Variants in USH2A observed in about 807,000 individuals in gnomAD.
USH2A encodes the protein Usher syndrome 2A (autosomal recessive, mild).
A neutral mutation model predicts 538.9 loss-of-function variants in USH2A; 443 were observed. The observed-to-expected ratio is 0.82, with a 90% confidence interval of 0.76 to 0.89. The LOEUF is 0.89. Among genes scored for constraint, USH2A ranks in the 40% least tolerant of loss-of-function variants. The pLI, the probability that USH2A is intolerant of heterozygous loss-of-function variation, is 0.00. For synonymous variants in USH2A, 2,413 were observed against 2,273.5 expected, an observed-to-expected ratio of 1.06 and a Z score of -1.75; for missense variants, 6,633 against 6,324.8, an observed-to-expected ratio of 1.05 and a Z score of -1.65.
intron 14 of USH2A, among the ~76,000 whole-genome samples, chr1:216,231,272 A>C (rs376454531): frequency 2.3e-5 from 1 of 43,730 alleles, no homozygotes. Context: ...ATATATATAT[A>C]ATATATATAC....
chr1:215,809,635 C>T (rs1034479405), intron 49 of USH2A, among the ~76,000 whole-genome samples: 25 of 152,046 alleles, frequency 1.6e-4, no homozygotes, highest in African/African-American at 6.0e-4. Context: ...TGCAGTCTAA[C>T]AGTTAATTGT....
At chr1:215,807,430 C>T (rs1221568047) in intron 49 of USH2A, among the ~76,000 whole-genome samples, 1 of 152,140 alleles carries the variant, frequency 6.6e-6, no homozygotes, top group Non-Finnish European at 1.5e-5. Flanking sequence ...GAATGATCAT[C>T]TGTCACGTTC....
At chr1:216,270,426 CT>C (rs1426213186) in intron 11 of USH2A, among the ~76,000 whole-genome samples, 1 of 152,108 alleles carries the variant, frequency 6.6e-6, no homozygotes, top group Non-Finnish European at 1.5e-5. Context: ...AAATTCTTTT[CT>C]TTCCTAGAGA....
intron 61 of USH2A, among the ~76,000 whole-genome samples, chr1:215,693,902 C>T (rs1292517173): frequency 2.0e-5 from 3 of 152,168 alleles, no homozygotes; most frequent in South Asian, 4.1e-4. Flanking sequence ...CTTAACTATA[C>T]TATATCCCAC....
chr1:216,022,515 G>A (rs537049384), intron 32 of USH2A, among the ~76,000 whole-genome samples: 1 of 152,106 alleles, frequency 6.6e-6, no homozygotes, highest in Non-Finnish European at 1.5e-5. Context: ...GCCTTGGCTA[G>A]TTTACTCAGA....
intron 27 of USH2A, among the ~76,000 whole-genome samples, chr1:216,075,693 C>T (rs1383496899): frequency 6.6e-6 from 1 of 152,156 alleles, no homozygotes; most frequent in Non-Finnish European, 1.5e-5. Context: ...CAGTCATGCC[C>T]AACCTAGATG....
chr1:216,148,080 C>T (rs1455670568), intron 21 of USH2A, among the ~76,000 whole-genome samples: 1 of 151,812 alleles, frequency 6.6e-6, no homozygotes, highest in African/African-American at 2.4e-5. Context: ...CTTCGGGTAA[C>T]TCTCACAATG....
At position 216,283,380 on chromosome 1, in the gene USH2A, G is replaced by A. The variant is rs550961406; in HGVS notation, c.1971+5900C>T. On this transcript the variant is annotated intron_variant, in intron 11 of 71. Transcript: ENST00000307340. ...GCTGGGATTACAGGCATGAGCCACCGCGCCCAGCCTGAATTTATTAGTTTT... is the reference window on the plus strand; with the variant it reads ...GCTGGGATTACAGGCATGAGCCACCACGCCCAGCCTGAATTTATTAGTTTT... 1.2e-4 allele frequency among the ~76,000 whole-genome samples: 18 copies of A among 152,256 alleles called. No individual in the cohort carries two copies. In the South Asian group the frequency reaches 1.2e-3, roughly 11 times the overall value.
Position 216,208,178 on chromosome 1 carries a change from C to CT in USH2A, c.3158-748dup, listed in dbSNP as rs199537810. On this transcript the variant is annotated intron_variant, in intron 15 of 71. Transcript: ENST00000307340. ...CTCCCTGCTTTTGAGAGTGAATTTT[C>CT]TTTTTTTTCACCAGAATACGCAAAG... 1.7e-3 allele frequency among the ~76,000 whole-genome samples: 252 copies of CT among 151,824 alleles called. 4 individuals carry two copies. In the East Asian group the frequency reaches 0.04, roughly 24 times the overall value.
intron 3 of USH2A, among the ~76,000 whole-genome samples, chr1:216,370,876 C>A (rs2038700853): frequency 6.6e-6 from 1 of 151,982 alleles, no homozygotes; most frequent in East Asian, 1.9e-4. Context: ...ATTGGTGTCA[C>A]CACCTCCCAC....
intron 61 of USH2A, among the ~76,000 whole-genome samples, chr1:215,714,911 A>G (rs1357031256): frequency 1.3e-5 from 2 of 152,244 alleles, no homozygotes; most frequent in Non-Finnish European, 2.9e-5. Context: ...TGTAATTCCC[A>G]AAGATTTTTG....
chr1:215,794,951 A>G (rs76255907), intron 50 of USH2A, among the ~76,000 whole-genome samples: 2,573 of 152,288 alleles, frequency 0.017, 61 homozygotes, highest in African/African-American at 0.057. Flanking sequence ...CAAGTTAAGA[A>G]CCATTGTCCT....
At position 216,240,169 on chromosome 1, in the gene USH2A, C is replaced by A. The variant is rs143716597; in HGVS notation, c.2809+6416G>T. ...ACAGAAAGGTTTGGAATTGAAAGCC[C>A]CAGAGATTTCCGAAGTCAGATATAA... is the stretch of plus-strand genomic sequence containing the variant. On this transcript the variant is annotated intron_variant, in intron 13 of 71. Transcript: ENST00000307340. Among the ~76,000 whole-genome samples the A allele has an allele frequency of 7.2e-3, 1,099 of 152,052 alleles. 12 individuals are homozygous for A. The highest frequency in any genetic ancestry group is 0.025 in the African/African-American group (1,045 of 41,486).
At chr1:215,710,972 C>T (rs1231683422) in intron 61 of USH2A, among the ~76,000 whole-genome samples, 1 of 151,908 alleles carries the variant, frequency 6.6e-6, no homozygotes, top group African/African-American at 2.4e-5. Context: ...AATCTACTAA[C>T]ACTGCATAGT....
chr1:215,680,120 C>T (rs974116914), intron 62 of USH2A, 29 bp downstream of exon 62: 3 of 1,608,578 alleles, frequency 1.9e-6, no homozygotes, highest in Non-Finnish European at 1.7e-6. Flanking sequence ...GAACACCAAA[C>T]ATAATTTCTT....
chr1:215,841,716 G>C (rs939645803), intron 46 of USH2A, among the ~76,000 whole-genome samples: 4 of 152,160 alleles, frequency 2.6e-5, no homozygotes, highest in Admixed American at 2.6e-4. Flanking sequence ...AAACTAAAGA[G>C]CTTCTGCATA....
At chr1:215,813,132 T>C (rs1662744472) in intron 49 of USH2A, among the ~76,000 whole-genome samples, 2 of 152,224 alleles carry the variant, frequency 1.3e-5, no homozygotes, top group African/African-American at 2.4e-5. Flanking sequence ...TTCCCAATTA[T>C]ATTCACTAGG....
At chr1:215,761,536 T>C (rs563339222) in intron 56 of USH2A, among the ~76,000 whole-genome samples, 1 of 152,318 alleles carries the variant, frequency 6.6e-6, no homozygotes, top group Non-Finnish European at 1.5e-5. Context: ...TCAATGTATC[T>C]CTATGGATAA....
At chr1:215,909,670 G>C (rs1295505843) in intron 38 of USH2A, among the ~76,000 whole-genome samples, 1 of 151,914 alleles carries the variant, frequency 6.6e-6, no homozygotes. Context: ...GGAGGGAGTG[G>C]AGCAAAGTTA....
Sources: allele counts gnomAD v4.1 joint callset (sites outside exome capture counted in the v4.1 genomes callset), GRCh38; gene constraint gnomAD v4.1.1; transcripts MANE v1.5; gene names NCBI Gene and HGNC (gene_info 2026-07-23, HGNC 2026-07-21).